CYP3A43: variants seen among roughly 807,000 people sequenced by gnomAD.
CYP3A43 encodes cytochrome P450 3A43.
CYP3A43 carries 45 observed loss-of-function variants against 58.0 expected under a neutral mutation model. The observed-to-expected ratio is 0.78, with a 90% CI of 0.61 to 0.99. CYP3A43 has a LOEUF of 0.99. Among genes scored for constraint, CYP3A43 ranks in the 50% least tolerant of loss-of-function variants. The pLI is 0.00. For missense variants in CYP3A43, 593 were observed against 591.9 expected (o/e 1.00, Z -0.02); for synonymous variants, 191 against 201.4 (o/e 0.95, Z 0.44).
At chr7:99,849,976 T>TTTTTTTTTTTTG (rs1425683328) in intron 7 of CYP3A43, 1 of 461,992 alleles carries the variant, frequency 2.2e-6, no homozygotes, top group African/African-American at 2.2e-5. Flanking sequence ...TTTTTTTTTT[T>TTTTTTTTTTTTG]AGACAGAGTC....
chr7:99,854,789 TC>T (rs1817906786), intron 7 of CYP3A43, among the ~76,000 whole-genome samples: 1 of 152,336 alleles, frequency 6.6e-6, no homozygotes, highest in Non-Finnish European at 1.5e-5. Context: ...TTTCTAATTG[TC>T]CTTTTGCTTT....
At chr7:99,829,720 G>C (rs967142089) in intron 1 of CYP3A43, among the ~76,000 whole-genome samples, 7 of 152,202 alleles carry the variant, frequency 4.6e-5, no homozygotes, top group African/African-American at 7.2e-5. Context: ...TGCTTTGGTA[G>C]AATGACCTCT....
At chr7:99,841,379 A>G (rs1207259319) in intron 3 of CYP3A43, among the ~76,000 whole-genome samples, 2 of 152,026 alleles carry the variant, frequency 1.3e-5, no homozygotes, top group African/African-American at 2.4e-5. Context: ...TCAATATGCA[A>G]CTCAAAATAT....
chr7:99,857,253 A>G (rs1362255955), intron 9 of CYP3A43, among the ~76,000 whole-genome samples: 1 of 152,222 alleles, frequency 6.6e-6, no homozygotes, highest in African/African-American at 2.4e-5. Flanking sequence ...CACTGTCCAA[A>G]TAAGGGTGAT....
intron 2 of CYP3A43, among the ~76,000 whole-genome samples, chr7:99,837,538 T>C (rs1817147113): frequency 6.6e-6 from 1 of 152,066 alleles, no homozygotes; most frequent in Non-Finnish European, 1.5e-5. Context: ...CTGCTTTTCT[T>C]CAAAGGCAGC....
intron 11 of CYP3A43, 102 bp downstream of exon 11, chr7:99,861,941 CA>C: frequency 9.4e-7 from 1 of 1,058,678 alleles, no homozygotes; most frequent in Non-Finnish European, 1.4e-6. Context: ...TGTGCCTTTT[CA>C]TTTTGGAAGT....
chr7:99,845,762 G>A (rs1470430906), intron 4 of CYP3A43, among the ~76,000 whole-genome samples: 1 of 147,534 alleles, frequency 6.8e-6, no homozygotes, highest in Non-Finnish European at 1.5e-5. Context: ...TTTATTTATT[G>A]TTTTAGTTCT....
At chr7:99,833,258 C>A (rs947998610) in intron 1 of CYP3A43, among the ~76,000 whole-genome samples, 1 of 152,074 alleles carries the variant, frequency 6.6e-6, no homozygotes, top group African/African-American at 2.4e-5. Flanking sequence ...CCAGCCCAGT[C>A]GGATTAACAT....
At chr7:99,855,499 T>G in intron 7 of CYP3A43, 92 bp from the exon 8 acceptor site, 2 of 1,439,428 alleles carry the variant, frequency 1.4e-6, no homozygotes, top group Non-Finnish European at 1.9e-6. Flanking sequence ...AACCCTGAAG[T>G]CTATAGGTAG....
intron 9 of CYP3A43, among the ~76,000 whole-genome samples, chr7:99,857,282 G>C (rs1818019506): frequency 6.6e-6 from 1 of 152,198 alleles, no homozygotes; most frequent in African/African-American, 2.4e-5. Flanking sequence ...GAAACACTTG[G>C]TGAAAGTGTG....
chr7:99,846,723 AT>A (rs1274862800), intron 4 of CYP3A43, among the ~76,000 whole-genome samples: 2 of 151,652 alleles, frequency 1.3e-5, no homozygotes, highest in South Asian at 2.1e-4. Context: ...TTTTGTATAT[AT>A]TTTTTTCCAT....
At chr7:99,831,984 T>C (rs1584192714) in intron 1 of CYP3A43, among the ~76,000 whole-genome samples, 2 of 152,018 alleles carry the variant, frequency 1.3e-5, no homozygotes, top group African/African-American at 4.8e-5. Flanking sequence ...AGCTGGAAGG[T>C]GCTCACATTT....
intron 11 of CYP3A43, 123 bp from the exon 12 acceptor site, chr7:99,863,413 TC>T (rs570205345): frequency 8.3e-5 from 53 of 641,654 alleles, no homozygotes; most frequent in Non-Finnish European, 7.2e-5. Flanking sequence ...ACACCTGTAA[TC>T]CCAACACTTT....
chr7:99,840,084 A>G (rs1381678889), intron 3 of CYP3A43, among the ~76,000 whole-genome samples: 1 of 152,164 alleles, frequency 6.6e-6, no homozygotes, highest in African/African-American at 2.4e-5. Flanking sequence ...GCAAGCTTCC[A>G]GCTTGCTTAT....
At chr7:99,853,865 A>ATTTTTGAAGCTAAT (rs146073260) in intron 7 of CYP3A43, among the ~76,000 whole-genome samples, 5,982 of 151,800 alleles carry the variant, frequency 0.039, 392 homozygotes, top group African/African-American at 0.14. Context: ...CTTGAGCTTT[A>ATTTTTGAAGCTAAT]TTTTTTATTT....
chr7:99,853,508 A>G (rs1001450506), intron 7 of CYP3A43, among the ~76,000 whole-genome samples: 3 of 152,106 alleles, frequency 2.0e-5, no homozygotes, highest in Non-Finnish European at 4.4e-5. Flanking sequence ...TTCTTCATCA[A>G]TGTAGCTAAA....
intron 4 of CYP3A43, among the ~76,000 whole-genome samples, chr7:99,845,458 G>A (rs2151604153): frequency 6.6e-6 from 1 of 152,116 alleles, no homozygotes; most frequent in East Asian, 1.9e-4. Context: ...AAGTAGCTGG[G>A]ATTACAGCTG....
At chr7:99,852,462 T>C (rs1427316893) in intron 7 of CYP3A43, among the ~76,000 whole-genome samples, 5 of 152,344 alleles carry the variant, frequency 3.3e-5, no homozygotes, top group African/African-American at 1.2e-4. Flanking sequence ...AGATACTCTT[T>C]CATTTATTTC....
chr7:99,841,102 A>C (rs1817312454), intron 3 of CYP3A43, among the ~76,000 whole-genome samples: 2 of 152,180 alleles, frequency 1.3e-5, no homozygotes, highest in African/African-American at 2.4e-5. Context: ...TTAGCTTGAG[A>C]TCCGTCTCCA....
Sources: gnomAD v4.1 joint callset for allele counts (sites outside exome capture counted in the v4.1 genomes callset) on GRCh38, gnomAD v4.1.1 for gene constraint, MANE v1.5 for transcripts, NCBI Gene and HGNC (gene_info 2026-07-23, HGNC 2026-07-21) for gene names.